C1RL: variants seen among roughly 807,000 people sequenced by gnomAD.
C1RL encodes the protein complement C1r subcomponent like, also known as complement C1r subcomponent-like protein.
In C1RL, 27 loss-of-function variants were observed where a neutral mutation model predicts 27.9. The observed-to-expected ratio is 0.97, with a 90% CI of 0.71 to 1.33. The LOEUF is 1.33. Among genes scored for constraint, C1RL ranks in the 40% most tolerant of loss-of-function variants. C1RL has a pLI of 0.00. For missense variants in C1RL, 563 were observed against 623.9 expected, an observed-to-expected ratio of 0.90 and a Z score of 1.04; for synonymous variants, 248 against 252.1, an observed-to-expected ratio of 0.98 and a Z score of 0.15.
rs1591594817 is a variant in C1RL, at chr12:7,096,556, CT to C, written c.1298del (p.Gln433ArgfsTer28). ...GDETQRHSVC[Q>X]GDSGSVYVVW... ...CCACATAGACGCTGCCACTGTCCCC[CT>C]GGCAGACACTGTGCCTTTGCGTCTC... is the stretch of plus-strand genomic sequence containing the variant. On this transcript the variant is annotated frameshift_variant, in exon 6 of 6. Coordinates refer to ENST00000266542, the MANE Select transcript of C1RL (RefSeq NM_016546.4). LOFTEE classifies it high-confidence loss of function. 1.2e-6 allele frequency: 2 copies of C among 1,614,172 alleles called. No individual in the cohort carries two copies. The highest frequency in any genetic ancestry group is 1.7e-6 in the Non-Finnish European group (2 of 1,180,036).
At chr12:7,099,115 C>T (rs1463122559) in intron 5 of C1RL, among the ~76,000 whole-genome samples, 1 of 148,842 alleles carries the variant, frequency 6.7e-6, no homozygotes, top group Non-Finnish European at 1.5e-5. Flanking sequence ...ATCCCAGCTA[C>T]TCAGGAGGCT....
chr12:7,104,245 G>A lies in C1RL; in HGVS notation c.301-2158C>T, dbSNP rs1938700788. Among the ~76,000 whole-genome samples the A allele has an allele frequency of 6.6e-6, 1 of 152,190 alleles. No individual in the cohort carries two copies. The highest frequency in any genetic ancestry group is 1.5e-5 in the Non-Finnish European group (1 of 68,032). On this transcript the variant is annotated intron_variant, in intron 2 of 5. Transcript: ENST00000266542. The surrounding 1 kb of genome is among the most constrained non-coding windows in gnomAD (Gnocchi z 5.4). ...GGGATGGCAGACCAGAAGCCTGTGA[G>A]GGAGACTGCAGAATCCTAGAATCTC...
rs146218605 is a variant in C1RL at position 7,097,176 on chromosome 12, C to T, written c.692-13G>A. On this transcript the variant is annotated splice_polypyrimidine_tract_variant and intron_variant, in intron 5 of 5. Transcript: ENST00000266542. ...GGCCGTCCGCAGACTGGGAGAGAGG[C>T]GGGGTAGGGGTGACAGTCAGCAGCT... 3 of 1,585,990 alleles carry T rather than the reference C, an allele frequency of 1.9e-6. No homozygotes were observed. Among genetic ancestry groups the T allele is most frequent in the South Asian group, 2.3e-5 (2 of 85,654 alleles).
At chr12:7,109,070 C>T (rs761376685) in intron 1 of C1RL, 40 bp downstream of exon 1, 2 of 1,497,008 alleles carry the variant, frequency 1.3e-6, no homozygotes, top group East Asian at 4.8e-5. Context: ...CTCTTCCCCT[C>T]CCGTCCTCTT....
At chr12:7,100,151 AT>A (rs1938575924) in intron 3 of C1RL, 125 bp from the exon 4 acceptor site, 1 of 991,696 alleles carries the variant, frequency 1.0e-6, no homozygotes, top group Non-Finnish European at 1.4e-6. Flanking sequence ...TTTTTAAAAC[AT>A]TTGAGTTCGT....
rs778401803 is a variant in C1RL, at chr12:7,101,977, C to G, written c.411G>C (p.Leu137=). 1 of 1,614,216 alleles carries G rather than the reference C, an allele frequency of 6.2e-7. No individual in the cohort carries two copies. The highest frequency in any genetic ancestry group is 8.5e-7 in the Non-Finnish European group (1 of 1,180,034). The part of the protein sequence containing the change: ...EFVSSGRSLR[L]TFRTQPSSEN... ...CCGAGGAAGGCTGTGTGCGGAAGGT[C>G]AGCCGCAAACTCCTCCCTGAGGATA... The change falls in exon 3 of 6, where the codon CTG becomes CTC. Residue 137 remains leucine (L), a synonymous_variant. Transcript: ENST00000266542.
At chr12:7,102,648 C>T (rs765183233) in intron 2 of C1RL, among the ~76,000 whole-genome samples, 3 of 152,212 alleles carry the variant, frequency 2.0e-5, no homozygotes, top group Non-Finnish European at 4.4e-5. Context: ...GGGGTCCCTG[C>T]CTTTTCCTGC....
At chr12:7,106,348 T>A (rs190985995) in intron 2 of C1RL, among the ~76,000 whole-genome samples, 1 of 152,280 alleles carries the variant, frequency 6.6e-6, no homozygotes, top group East Asian at 1.9e-4. Context: ...TAGACATATA[T>A]AAGATCTTCT....
chr12:7,094,796 CT>C lies in C1RL; in HGVS notation c.*1594del. The C allele has an allele frequency of 4.2e-6, 4 of 954,870 alleles. No homozygotes were observed. In the East Asian group the frequency reaches 4.6e-4, roughly 110 times the overall value. 59.1% of individuals were successfully genotyped at this position (954,870 alleles called of 1,614,324 possible). On this transcript the variant is annotated 3_prime_UTR_variant, in exon 6 of 6. Coordinates refer to ENST00000266542, the MANE Select transcript of C1RL (RefSeq NM_016546.4). ...GTTTCACTATGTTGCTTAGGCTGGA[CT>C]TCAACTCCTGGGCTCAAGCGATCCT...
intron 5 of C1RL, among the ~76,000 whole-genome samples, chr12:7,099,053 A>AT (rs199652851): frequency 0.012 from 1,777 of 147,170 alleles, 33 homozygotes; most frequent in African/African-American, 0.041. Context: ...AAAAAAAAAA[A>AT]AAAATAAAAT....
Position 7,099,510 on chromosome 12 carries a change from A to C in C1RL, c.691+176T>G, listed in dbSNP as rs916774154. The C allele has an allele frequency of 2.8e-4, 270 of 969,088 alleles. 2 individuals carry two copies. The highest frequency in any genetic ancestry group is 2.4e-4 in the Non-Finnish European group (195 of 815,188). The allele number at this position is 969,088 out of a possible 1,614,324, so 60.0% of individuals were successfully genotyped here. On this transcript the variant is annotated intron_variant, in intron 5 of 5. Transcript: ENST00000266542. ...GATATATCTTGACCCCTGAAGAATG[A>C]GGAACAAGCTCCCTGCCTGTTCTTT... is the stretch of plus-strand genomic sequence containing the variant.
Position 7,094,692 on chromosome 12 carries a change from C to A in C1RL, c.*1699G>T, listed in dbSNP as rs182889973. On this transcript the variant is annotated 3_prime_UTR_variant, in exon 6 of 6. Transcript: ENST00000266542. ...TAGCCAATAGAGAATAGTGGAAAAC[C>A]AAACAGCCAAAATCTTATCAATAAA... 128 of 981,072 alleles carry A rather than the reference C, an allele frequency of 1.3e-4. 3 individuals carry two copies. In the East Asian group the frequency reaches 0.01, roughly 79 times the overall value. The allele number at this position is 981,072 out of a possible 1,614,324, so 60.8% of individuals were successfully genotyped here.
At position 7,105,338 on chromosome 12, in the gene C1RL, C is replaced by T. The variant is rs186359252; in HGVS notation, c.300+2913G>A. On this transcript the variant is annotated intron_variant, in intron 2 of 5. Transcript: ENST00000266542. ...AGGCTGTAGTGCAGTGGCCTGATCT[C>T]GGCTTACTACAACCTCCACCTCCCA... 3.8e-3 allele frequency among the ~76,000 whole-genome samples: 583 copies of T among 152,036 alleles called. 3 individuals are homozygous for T. The highest frequency in any genetic ancestry group is 0.013 in the African/African-American group (525 of 41,472).
In C1RL at chr12:7,095,077, A is replaced by G. The variant is rs1486511416; in HGVS notation, c.*1314T>C. 29 of 1,187,690 alleles carry G rather than the reference A, an allele frequency of 2.4e-5. No homozygotes were observed. The highest frequency in any genetic ancestry group is 2.5e-5 in the Non-Finnish European group (24 of 947,018). 73.6% of individuals were successfully genotyped at this position (1,187,690 alleles called of 1,614,324 possible). On this transcript the variant is annotated 3_prime_UTR_variant, in exon 6 of 6. Coordinates refer to ENST00000266542, the MANE Select transcript of C1RL (RefSeq NM_016546.4). Reference sequence around the variant, plus strand: ...TGTTTATTTTCTATTTCCATTGAACAGTTGTATTTTATTTGTGTCTTTCAC... The same window carrying G: ...TGTTTATTTTCTATTTCCATTGAACGGTTGTATTTTATTTGTGTCTTTCAC...
intron 5 of C1RL, 53 bp downstream of exon 5, chr12:7,099,633 C>T: frequency 1.3e-6 from 2 of 1,545,626 alleles, no homozygotes; most frequent in African/African-American, 1.4e-5. Flanking sequence ...CCTGTAGGTC[C>T]CAGTTGCAGC....
chr12:7,101,303 C>A (rs1485499678), intron 3 of C1RL, among the ~76,000 whole-genome samples: 1 of 149,708 alleles, frequency 6.7e-6, no homozygotes, highest in Non-Finnish European at 1.5e-5. Flanking sequence ...TCTAGTTTCT[C>A]CGTGTCTCCC....
intron 2 of C1RL, among the ~76,000 whole-genome samples, chr12:7,106,104 C>T (rs773217376): frequency 3.2e-4 from 48 of 152,244 alleles, no homozygotes; most frequent in African/African-American, 1.1e-3. Context: ...TAAAAAACCA[C>T]GTGTATCAAG....
chr12:7,099,041 C>CAAAA (rs35402492), intron 5 of C1RL, among the ~76,000 whole-genome samples: 4 of 127,624 alleles, frequency 3.1e-5, no homozygotes, highest in South Asian at 2.5e-4. Flanking sequence ...ACTAAAAATA[C>CAAAA]AAAAAAAAAA....
intron 2 of C1RL, among the ~76,000 whole-genome samples, chr12:7,107,247 C>T (rs1421595725): frequency 6.6e-6 from 1 of 151,958 alleles, no homozygotes; most frequent in Non-Finnish European, 1.5e-5. Flanking sequence ...GAGCTCACTG[C>T]AGCCTCTACC....
Sources: allele counts gnomAD v4.1 joint callset (sites outside exome capture counted in the v4.1 genomes callset), GRCh38; gene constraint gnomAD v4.1.1; non-coding constraint Gnocchi (gnomAD v3.1); transcripts MANE v1.5; gene names NCBI Gene and HGNC (gene_info 2026-07-23, HGNC 2026-07-21).